The following IL1RAPL2 variants were observed in gnomAD, a reference collection of about 807,000 sequenced individuals.
IL1RAPL2 encodes X-linked interleukin-1 receptor accessory protein-like 2.
IL1RAPL2 carries 3 observed loss-of-function variants against 44.1 expected under a neutral mutation model. The ratio of observed to expected loss-of-function variants is 0.07; its 90% CI spans 0.03 to 0.18. The LOEUF (loss-of-function observed/expected upper bound fraction) is 0.18. Ranked by LOEUF, IL1RAPL2 falls within the 10% of genes least tolerant of loss-of-function variation. The probability of loss-of-function intolerance (pLI) is 1.00; values close to 1 mark genes in which losing one functional copy is unlikely to be tolerated. For synonymous variants in IL1RAPL2, 181 were observed against 178.8 expected (o/e 1.01, Z -0.10); for missense variants, 391 against 496.4 (o/e 0.79, Z 2.02).
chrX:105,141,206 G>A (rs1421107501), intron 2 of IL1RAPL2, among the ~76,000 whole-genome samples: 1 of 111,018 alleles, frequency 9.0e-6, no homozygotes, highest in Non-Finnish European at 1.9e-5. Context: ...TTAAGCTATA[G>A]GCTATATGTA....
chrX:105,340,781 A>G (rs2035064497), intron 5 of IL1RAPL2, among the ~76,000 whole-genome samples: 1 of 110,245 alleles, frequency 9.1e-6, no homozygotes, highest in Non-Finnish European at 1.9e-5. Context: ...AATCCACCTT[A>G]CTCTGATCTA....
intron 6 of IL1RAPL2, among the ~76,000 whole-genome samples, chrX:105,623,655 G>A (rs765108502): frequency 8.1e-5 from 9 of 110,998 alleles, no homozygotes; most frequent in Non-Finnish European, 1.7e-4. Context: ...TGGACTAGAT[G>A]TATGCAAGTA....
At chrX:105,368,523 C>T in intron 5 of IL1RAPL2, among the ~76,000 whole-genome samples, 1 of 111,722 alleles carries the variant, frequency 9.0e-6, no homozygotes, top group Non-Finnish European at 1.9e-5. Flanking sequence ...CTCTGGCCTG[C>T]AGGGGTTCTG....
intron 2 of IL1RAPL2, among the ~76,000 whole-genome samples, chrX:104,884,025 G>A (rs1430293155): frequency 8.9e-6 from 1 of 111,933 alleles, no homozygotes; most frequent in East Asian, 2.8e-4. Context: ...GAATGCTTAG[G>A]ACTCTAACAG....
Position 105,207,554 on chromosome X carries a change from C to T in IL1RAPL2, c.356+11806C>T, listed in dbSNP as rs1216250207. Among the ~76,000 whole-genome samples the T allele has an allele frequency of 9.0e-5, 10 of 111,580 alleles. No individual in the cohort carries two copies. In the Admixed American group the frequency reaches 9.6e-4, roughly 11 times the overall value. On this transcript the variant is annotated intron_variant, in intron 3 of 10. Transcript: ENST00000372582. ...ACCTCTCTCATTGCTCCTCTTGTTA[C>T]CTGCTAAAAAACTCTTCCTGGAATG...
At chrX:104,845,642 C>T (rs73635163) in intron 2 of IL1RAPL2, among the ~76,000 whole-genome samples, 5,967 of 111,482 alleles carry the variant, frequency 0.054, 408 homozygotes, top group African/African-American at 0.19. Context: ...TTGTGGCTTT[C>T]GCAGTCTTTT....
intron 2 of IL1RAPL2, among the ~76,000 whole-genome samples, chrX:104,920,165 A>G (rs1924591175): frequency 9.0e-6 from 1 of 111,293 alleles, no homozygotes; most frequent in Non-Finnish European, 1.9e-5. Flanking sequence ...TCTCGAAGCA[A>G]CTGGTCCCTA....
Position 104,901,457 on chromosome X carries a change from C to T in IL1RAPL2, c.82+242462C>T, listed in dbSNP as rs778732925. Among the ~76,000 whole-genome samples, 181 of 109,358 alleles carry T rather than the reference C, an allele frequency of 1.7e-3. 1 individual carries two copies. The highest frequency in any genetic ancestry group is 4.9e-3 in the African/African-American group (147 of 30,068). 95.0% of individuals were successfully genotyped at this position (109,358 alleles called of 115,157 possible). ...GGATCTCCTGACCTCGTGATCCGCC[C>T]GCCTCAGCCTCCCAGAGTGCTGGGA... On this transcript the variant is annotated intron_variant, in intron 2 of 10. Transcript: ENST00000372582.
chrX:105,637,826 A>T (rs766923638), intron 6 of IL1RAPL2, among the ~76,000 whole-genome samples: 2 of 109,856 alleles, frequency 1.8e-5, no homozygotes, highest in East Asian at 5.9e-4. Flanking sequence ...TTTCTATTTT[A>T]TCTGAGCCAC....
Position 105,267,459 on chromosome X carries a change from A to G in IL1RAPL2, c.615A>G (p.Gln205=). ...KGNALLIQEV[Q]EEDGGNYTCE... is the part of the protein sequence containing the mutation. ...ATGCTCTTCTGATCCAAGAAGTTCA[A>G]GAAGAAGATGGAGGAAATTACACAT... Residue 205 remains glutamine, a synonymous_variant, in exon 5 of 11, where the codon CAA becomes CAG. Coordinates refer to ENST00000372582, the MANE Select transcript of IL1RAPL2 (RefSeq NM_017416.2). The G allele has an allele frequency of 8.3e-7, 1 of 1,197,643 alleles. No homozygotes were observed.
At chrX:105,199,644 C>A (rs1156598450) in intron 3 of IL1RAPL2, among the ~76,000 whole-genome samples, 2 of 111,573 alleles carry the variant, frequency 1.8e-5, no homozygotes, top group African/African-American at 6.5e-5. Flanking sequence ...TTCAGATTGG[C>A]CTTTTTTATG....
chrX:105,717,234 A>G (rs1001211611), intron 6 of IL1RAPL2, 133 bp from the exon 7 acceptor site: 1 of 478,802 alleles, frequency 2.1e-6, no homozygotes, highest in Non-Finnish European at 3.2e-6. Flanking sequence ...CCCAGGTACA[A>G]TGATAAGATG....
Position 105,219,121 on chromosome X carries a change from G to A in IL1RAPL2, c.357-14697G>A, listed in dbSNP as rs201913801. On this transcript the variant is annotated intron_variant, in intron 3 of 10. Coordinates refer to ENST00000372582, the MANE Select transcript of IL1RAPL2 (RefSeq NM_017416.2). Reference sequence around the variant, plus strand: ...AGGTTCGGAGTATCTCCTGTCTCTTGGGTGCTCCTGATGGTCTATTCTGTG... The same window carrying A: ...AGGTTCGGAGTATCTCCTGTCTCTTAGGTGCTCCTGATGGTCTATTCTGTG... The A allele has an allele frequency of 9.4e-5, 114 of 1,209,016 alleles. No individual in the cohort carries two copies. In the African/African-American group the frequency reaches 1.7e-3, roughly 18 times the overall value.
At position 105,497,587 on chromosome X, in the gene IL1RAPL2, ACC is replaced by A. The variant is rs1450013791; in HGVS notation, c.772+13201_772+13202del. On this transcript the variant is annotated intron_variant, in intron 6 of 10. Coordinates refer to ENST00000372582, the MANE Select transcript of IL1RAPL2 (RefSeq NM_017416.2). Reference sequence around the variant, plus strand: ...AATTCTTTCAAACTCATTCAGCATTACCTTAATACTAAGGCCAGACAAAGACA... The same window carrying A: ...AATTCTTTCAAACTCATTCAGCATTATTAATACTAAGGCCAGACAAAGACA... Among the ~76,000 whole-genome samples, 13 of 111,974 alleles carry A rather than the reference ACC, an allele frequency of 1.2e-4. No homozygotes were observed. The Admixed American group carries it at 1.2e-3, about 11-fold the overall frequency.
intron 6 of IL1RAPL2, among the ~76,000 whole-genome samples, chrX:105,688,981 C>A (rs1049426541): frequency 5.4e-5 from 6 of 111,569 alleles, no homozygotes; most frequent in African/African-American, 1.6e-4. Flanking sequence ...GAAATGATTC[C>A]CTGTGTAATA....
At chrX:104,834,757 G>T (rs757979785) in intron 2 of IL1RAPL2, among the ~76,000 whole-genome samples, 9 of 111,744 alleles carry the variant, frequency 8.1e-5, no homozygotes, top group Non-Finnish European at 1.3e-4. Context: ...TGAGCACCAC[G>T]ACTATGTCAC....
chrX:104,615,778 T>C (rs762408893), intron 1 of IL1RAPL2, among the ~76,000 whole-genome samples: 7 of 112,363 alleles, frequency 6.2e-5, no homozygotes, highest in Non-Finnish European at 1.1e-4. Flanking sequence ...GTATTTCTGG[T>C]TCTAGATCTT....
intron 1 of IL1RAPL2, among the ~76,000 whole-genome samples, chrX:104,593,715 C>CA (rs1428464710): frequency 9.0e-6 from 1 of 111,653 alleles, no homozygotes; most frequent in Non-Finnish European, 1.9e-5. Flanking sequence ...ACAGTTATAC[C>CA]AAAAAAATTG....
At chrX:104,660,930 C>CTA (rs59232548) in intron 2 of IL1RAPL2, among the ~76,000 whole-genome samples, 2,603 of 88,074 alleles carry the variant, frequency 0.03, 70 homozygotes, top group African/African-American at 0.079. Context: ...CAGACCCTGT[C>CTA]TATATATATA....
Sources: gnomAD v4.1 joint callset for allele counts (sites outside exome capture counted in the v4.1 genomes callset) on GRCh38, gnomAD v4.1.1 for gene constraint, MANE v1.5 for transcripts, NCBI Gene and HGNC (gene_info 2026-07-23, HGNC 2026-07-21) for gene names.